Variants in RSPO2 observed in about 807,000 individuals in gnomAD.
RSPO2 encodes the protein R-spondin 2.
Under a neutral mutation model 30.9 loss-of-function variants are expected in RSPO2, and 14 were observed. The observed-to-expected ratio is 0.45, with a 90% CI of 0.30 to 0.71. The LOEUF is 0.71. Ranked by LOEUF, RSPO2 falls within the 30% of genes least tolerant of loss-of-function variation. The pLI is 0.08. For synonymous variants in RSPO2, 107 were observed against 96.4 expected (o/e 1.11, Z -0.64); for missense variants, 264 against 301.9 (o/e 0.87, Z 0.93).
At chr8:107,950,713 C>T (rs572863080) in intron 5 of RSPO2, among the ~76,000 whole-genome samples, 57 of 144,320 alleles carry the variant, frequency 3.9e-4, no homozygotes, top group African/African-American at 1.4e-3. Context: ...AGTTGTAAAG[C>T]AAAAACTACT....
intron 2 of RSPO2, among the ~76,000 whole-genome samples, chr8:108,064,143 C>G (rs1258897624): frequency 6.6e-6 from 1 of 152,048 alleles, no homozygotes; most frequent in Non-Finnish European, 1.5e-5. Context: ...TCTAAAACAC[C>G]AAAACCAATG....
intron 2 of RSPO2, among the ~76,000 whole-genome samples, chr8:108,060,353 C>G (rs888204627): frequency 6.6e-6 from 1 of 151,678 alleles, no homozygotes; most frequent in Non-Finnish European, 1.5e-5. Context: ...CCTGATGGAG[C>G]TGAAAAACAT....
intron 2 of RSPO2, among the ~76,000 whole-genome samples, chr8:108,048,480 C>T (rs776055398): frequency 2.6e-5 from 4 of 152,038 alleles, no homozygotes; most frequent in Non-Finnish European, 2.9e-5. Context: ...AAAGTTCCAA[C>T]ACTTAAAATA....
chr8:107,905,311 T>C lies in RSPO2; in HGVS notation c.617-4121A>G, dbSNP rs149616704. Among the ~76,000 whole-genome samples the C allele has an allele frequency of 3.8e-4, 58 of 152,128 alleles. 1 individual carries two copies. Among genetic ancestry groups the C allele is most frequent in the Middle Eastern group, 3.4e-3 (1 of 294 alleles). On this transcript the variant is annotated intron_variant, in intron 5 of 5. Coordinates refer to ENST00000276659, the MANE Select transcript of RSPO2 (RefSeq NM_178565.5). ...AGAAAGGCTTTTAATGGAAGAAAAC[T>C]AAAGAAAAATTTCAGTAGCTTTGAC...
chr8:108,066,740 G>C (rs1318616428), intron 2 of RSPO2, among the ~76,000 whole-genome samples: 1 of 152,076 alleles, frequency 6.6e-6, no homozygotes, highest in Non-Finnish European at 1.5e-5. Flanking sequence ...AAAATTTTCA[G>C]CTAATAAATG....
chr8:107,920,837 C>T (rs1425276748), intron 5 of RSPO2, among the ~76,000 whole-genome samples: 1 of 151,956 alleles, frequency 6.6e-6, no homozygotes, highest in East Asian at 1.9e-4. Flanking sequence ...TCTATACATT[C>T]AAAATTAAGT....
At chr8:107,912,848 T>G (rs1167874174) in intron 5 of RSPO2, among the ~76,000 whole-genome samples, 1 of 152,184 alleles carries the variant, frequency 6.6e-6, no homozygotes, top group Non-Finnish European at 1.5e-5. Flanking sequence ...ATTTTTCTTT[T>G]AGATGCTGAG....
Position 108,037,584 on chromosome 8 carries a change from G to T in RSPO2, c.94+44961C>A, listed in dbSNP as rs115631070. 3.2e-3 allele frequency among the ~76,000 whole-genome samples: 482 copies of T among 152,324 alleles called. 1 individual carries two copies. Among genetic ancestry groups the T allele is most frequent in the Middle Eastern group, 0.014 (4 of 294 alleles). ...ACTAAAAAACAGATTTTTAAATGTAGATTAAAAAGCCTGCTACTGGGAGAA... is the reference window on the plus strand; with the variant it reads ...ACTAAAAAACAGATTTTTAAATGTATATTAAAAAGCCTGCTACTGGGAGAA... On this transcript the variant is annotated intron_variant, in intron 2 of 5. Coordinates refer to ENST00000276659, the MANE Select transcript of RSPO2 (RefSeq NM_178565.5).
chr8:107,934,199 G>A (rs1381146701), intron 5 of RSPO2, among the ~76,000 whole-genome samples: 1 of 152,074 alleles, frequency 6.6e-6, no homozygotes, highest in Non-Finnish European at 1.5e-5. Context: ...AAGCCATTTG[G>A]CAATATAAAT....
intron 5 of RSPO2, among the ~76,000 whole-genome samples, chr8:107,920,620 T>C (rs528773048): frequency 4.3e-4 from 65 of 152,258 alleles, no homozygotes; most frequent in African/African-American, 1.5e-3. Flanking sequence ...TTTGAGTACA[T>C]TGATTGATTG....
intron 2 of RSPO2, among the ~76,000 whole-genome samples, chr8:108,069,200 AACAC>A (rs56977468): frequency 0.073 from 10,752 of 148,230 alleles, 460 homozygotes; most frequent in Middle Eastern, 0.14. Flanking sequence ...TGTATGTGTG[AACAC>A]ACACACACAC....
intron 2 of RSPO2, among the ~76,000 whole-genome samples, chr8:108,027,509 T>C (rs1811262035): frequency 6.6e-6 from 1 of 152,182 alleles, no homozygotes; most frequent in African/African-American, 2.4e-5. Flanking sequence ...AGAAACTTAC[T>C]AGAAATGCAT....
At chr8:107,968,712 A>G (rs927497539) in intron 3 of RSPO2, among the ~76,000 whole-genome samples, 1 of 152,130 alleles carries the variant, frequency 6.6e-6, no homozygotes, top group Non-Finnish European at 1.5e-5. Flanking sequence ...ACATACAACT[A>G]TTAAATATAA....
At chr8:107,926,115 T>C (rs957565499) in intron 5 of RSPO2, among the ~76,000 whole-genome samples, 15 of 152,198 alleles carry the variant, frequency 9.9e-5, no homozygotes, top group Admixed American at 8.5e-4. Context: ...TGTGAGATGG[T>C]ATCTCATTGT....
chr8:108,083,389 G>T lies in RSPO2; in HGVS notation c.-362C>A, dbSNP rs1321722039. On this transcript the variant is annotated 5_prime_UTR_variant, in exon 1 of 6. Transcript: ENST00000276659. ...CAGGCAGGAGCGCGGAGCGGCGGGT[G>T]CAGCCACTGGGATGCTCCGTCCCCG... is the stretch of plus-strand genomic sequence containing the variant. 6.6e-6 allele frequency: 1 copy of T among 152,266 alleles called. No individual in the cohort carries two copies. The highest frequency in any genetic ancestry group is 2.4e-5 in the African/African-American group (1 of 41,464). 9.4% of individuals were successfully genotyped at this position (152,266 alleles called of 1,614,324 possible).
intron 2 of RSPO2, among the ~76,000 whole-genome samples, chr8:108,008,626 A>C (rs981487135): frequency 2.6e-5 from 4 of 152,200 alleles, no homozygotes; most frequent in African/African-American, 9.6e-5. Context: ...CTTAAATTAT[A>C]TGTATTAATA....
Position 107,960,818 on chromosome 8 carries a change from C to A in RSPO2, c.284-1G>T. On this transcript the variant is annotated splice_acceptor_variant, in intron 3 of 5. Transcript: ENST00000276659. LOFTEE classifies it high-confidence loss of function. ...GAATCACAGTTTTCTATTCTGCATC[C>A]TAAAAACAATTTTAAAGAGAAAAAA... 6.4e-7 allele frequency: 1 copy of A among 1,567,482 alleles called. No individual in the cohort carries two copies. Among genetic ancestry groups the A allele is most frequent in the Non-Finnish European group, 8.6e-7 (1 of 1,162,372 alleles).
At chr8:107,913,762 TCTC>T (rs1405936203) in intron 5 of RSPO2, among the ~76,000 whole-genome samples, 2 of 152,142 alleles carry the variant, frequency 1.3e-5, no homozygotes, top group African/African-American at 2.4e-5. Context: ...TGAGTTCATG[TCTC>T]CTCAACTGAA....
rs1257536360 is a variant in RSPO2, at chr8:108,054,857, T to TA, written c.94+27687dup. On this transcript the variant is annotated intron_variant, in intron 2 of 5. Transcript: ENST00000276659. The stretch of plus-strand genomic sequence containing the variant: ...GGCTGGGCAGGGTGGCTCATGCCTC[T>TA]AATCCCAGCACTTTGGAAGCCTGGG... 2.6e-5 allele frequency among the ~76,000 whole-genome samples: 4 copies of TA among 152,274 alleles called. No individual in the cohort carries two copies. The East Asian group carries it at 7.7e-4, about 29-fold the overall frequency.
Sources: gnomAD v4.1 joint callset for allele counts (sites outside exome capture counted in the v4.1 genomes callset) on GRCh38, gnomAD v4.1.1 for gene constraint, MANE v1.5 for transcripts, NCBI Gene and HGNC (gene_info 2026-07-23, HGNC 2026-07-21) for gene names.